KDM5B: variants seen among roughly 807,000 people sequenced by gnomAD.
KDM5B encodes the protein lysine-specific demethylase 5B.
A neutral mutation model predicts 193.4 loss-of-function variants in KDM5B; 144 were observed. The observed-to-expected ratio is 0.74, with a 90% confidence interval of 0.65 to 0.86. The LOEUF is 0.86. KDM5B is among the 40% of genes least tolerant of loss of function. The pLI, the probability that KDM5B is intolerant of heterozygous loss-of-function variation, is 0.00. For missense variants in KDM5B, 1,833 were observed against 1,886.9 expected (o/e 0.97, Z 0.53); for synonymous variants, 668 against 682.6 (o/e 0.98, Z 0.33).
Position 202,735,485 on chromosome 1 carries a change from C to G in KDM5B, c.3367G>C (p.Glu1123Gln), listed in dbSNP as rs201924559. The change falls in exon 22 of 27, where the codon GAG becomes CAG. Residue 1123 changes from glutamate (E) to glutamine (Q), a missense_variant. This residue lies in a region of KDM5B where 1,379 missense variants were observed against 1,349.6 expected (regional missense o/e 1.02). Coordinates refer to ENST00000367265, the MANE Select transcript of KDM5B (RefSeq NM_006618.5). ...GCTCTCTCCAGGTCACTCAGACTCT[C>G]TAATTTGGTGCTTTTTTTCTTTCCA... ...PNGKKKSTKL[E>Q]SLSDLERALT... is the part of the protein sequence containing the mutation. 101 of 1,614,034 alleles carry G rather than the reference C, an allele frequency of 6.3e-5. 1 individual carries two copies. Among genetic ancestry groups the G allele is most frequent in the Non-Finnish European group, 5.7e-5 (67 of 1,180,012 alleles).
At chr1:202,807,583 G>C (rs1037953417) in intron 1 of KDM5B, among the ~76,000 whole-genome samples, 5 of 151,904 alleles carry the variant, frequency 3.3e-5, no homozygotes, top group Admixed American at 3.3e-4. Flanking sequence ...CCACACAAAG[G>C]ACCAGGGGCT....
intron 1 of KDM5B, among the ~76,000 whole-genome samples, chr1:202,802,358 T>C (rs1658109664): frequency 6.6e-6 from 1 of 152,138 alleles, no homozygotes; most frequent in Non-Finnish European, 1.5e-5. Context: ...TTTAATCAAA[T>C]AGTTTACACT....
At position 202,808,174 on chromosome 1, in the gene KDM5B, G is replaced by T. The variant is rs138805422; in HGVS notation, c.132C>A (p.Asp44Glu). The T allele has an allele frequency of 3.1e-6, 5 of 1,613,118 alleles. No homozygotes were observed. Among genetic ancestry groups the T allele is most frequent in the Non-Finnish European group, 4.2e-6 (5 of 1,179,616 alleles). ...GGATCTTGTGGATGAAAGCGAAGGG[G>T]TCCGCGAACTCTTCCCAGCTGGGTT... ...VFEPSWEEFA[D>E]PFAFIHKIRP... The change falls in exon 1 of 27, where the codon GAC becomes GAA. Residue 44 changes from aspartate to glutamate, a missense_variant. Transcript: ENST00000367265.
At position 202,766,899 on chromosome 1, in the gene KDM5B, T is replaced by G. The variant is rs769382620; in HGVS notation, c.711+27A>C. 4 of 1,554,318 alleles carry G rather than the reference T, an allele frequency of 2.6e-6. No individual in the cohort carries two copies. The South Asian group carries it at 5.0e-5, about 19-fold the overall frequency. ...TTGGTATTAGGGCTTGAGAATTCCT[T>G]TTAAATTAACCTCATGAGGCTCTTA... On this transcript the variant is annotated intron_variant, in intron 5 of 26. Coordinates refer to ENST00000367265, the MANE Select transcript of KDM5B (RefSeq NM_006618.5).
chr1:202,808,398 A>T lies in KDM5B; in HGVS notation c.-93T>A, dbSNP rs898208030. 1.7e-6 allele frequency: 2 copies of T among 1,165,202 alleles called. No individual in the cohort carries two copies. Among genetic ancestry groups the T allele is most frequent in the Non-Finnish European group, 2.4e-6 (2 of 849,942 alleles). The allele number at this position is 1,165,202 out of a possible 1,614,324, so 72.2% of individuals were successfully genotyped here. On this transcript the variant is annotated 5_prime_UTR_variant, in exon 1 of 27. Transcript: ENST00000367265. ...CCGAGACCCGTGCAGACGCGGCTCG[A>T]GCAACAGCAAGTCCGAGTTGTACGG...
intron 1 of KDM5B, among the ~76,000 whole-genome samples, chr1:202,800,959 G>A (rs1292224435): frequency 1.3e-5 from 2 of 152,130 alleles, no homozygotes; most frequent in African/African-American, 4.8e-5. Flanking sequence ...TGGGCAAAAT[G>A]ACCATCACTG....
At position 202,725,110 on chromosome 1, in the gene KDM5B, C is replaced by T. The variant is rs899930001; in HGVS notation, c.*3926G>A. 1 of 152,218 alleles carries T rather than the reference C, an allele frequency of 6.6e-6. No individual in the cohort carries two copies. Among genetic ancestry groups the T allele is most frequent in the African/African-American group, 2.4e-5 (1 of 41,438 alleles). The allele number at this position is 152,218 out of a possible 1,614,324, so 9.4% of individuals were successfully genotyped here. On this transcript the variant is annotated 3_prime_UTR_variant, in exon 27 of 27. Coordinates refer to ENST00000367265, the MANE Select transcript of KDM5B (RefSeq NM_006618.5). ...ATAAGAAACACACCGAAACTCACCA[C>T]TTTCTAGCCCTTCATCCTTGCAAAA... is the stretch of plus-strand genomic sequence containing the variant.
intron 1 of KDM5B, among the ~76,000 whole-genome samples, chr1:202,805,704 CAGTT>C (rs1489983374): frequency 1.3e-5 from 2 of 152,166 alleles, no homozygotes; most frequent in African/African-American, 4.8e-5. Flanking sequence ...CACTTGTTCA[CAGTT>C]AGCTTTCCCA....
intron 7 of KDM5B, among the ~76,000 whole-genome samples, chr1:202,761,230 G>C (rs1185092581): frequency 1.3e-5 from 2 of 152,056 alleles, no homozygotes; most frequent in Non-Finnish European, 2.9e-5. Context: ...TTGAAGCCAG[G>C]AGTTTGAGAC....
At chr1:202,741,760 A>C (rs762888263) in intron 18 of KDM5B, 38 bp from the exon 19 acceptor site, 1 of 1,154,904 alleles carries the variant, frequency 8.7e-7, no homozygotes, top group African/African-American at 1.5e-5. Flanking sequence ...TTAAAACAGT[A>C]ATTTCAGTAA....
At chr1:202,793,025 A>C (rs1161888829) in intron 1 of KDM5B, among the ~76,000 whole-genome samples, 1 of 151,766 alleles carries the variant, frequency 6.6e-6, no homozygotes, top group East Asian at 1.9e-4. Flanking sequence ...AAAAGACTGT[A>C]AGGGGAGATG....
chr1:202,736,933 T>C (rs1249561756), intron 20 of KDM5B, among the ~76,000 whole-genome samples: 1 of 152,204 alleles, frequency 6.6e-6, no homozygotes, highest in Non-Finnish European at 1.5e-5. Context: ...GCCACTGTGC[T>C]GGGCCTAGAG....
intron 4 of KDM5B, among the ~76,000 whole-genome samples, chr1:202,768,717 C>CTTT (rs11450747): frequency 3.1e-5 from 4 of 130,410 alleles, no homozygotes; most frequent in Non-Finnish European, 4.8e-5. Context: ...GTTAACTATT[C>CTTT]TTTTTTTTTT....
At chr1:202,739,682 G>A (rs1472257860) in intron 20 of KDM5B, among the ~76,000 whole-genome samples, 1 of 152,082 alleles carries the variant, frequency 6.6e-6, no homozygotes, top group African/African-American at 2.4e-5. Context: ...GATTCTTAAT[G>A]AGCATGCTGC....
At chr1:202,786,772 C>T (rs1445509575) in intron 1 of KDM5B, among the ~76,000 whole-genome samples, 2 of 152,098 alleles carry the variant, frequency 1.3e-5, no homozygotes, top group Non-Finnish European at 2.9e-5. Context: ...ATTGGCCGGG[C>T]GTGGTGGCTC....
chr1:202,766,322 G>A (rs1332178516), intron 5 of KDM5B: 3 of 289,190 alleles, frequency 1.0e-5, no homozygotes, highest in Non-Finnish European at 2.0e-5. Flanking sequence ...TGGCTAACAC[G>A]GTGAAATCGG....
rs1168859490 is a variant in KDM5B at position 202,724,914 on chromosome 1, T to G, written c.*4122A>C. 1 of 152,266 alleles carries G rather than the reference T, an allele frequency of 6.6e-6. No individual in the cohort carries two copies. Among genetic ancestry groups the G allele is most frequent in the East Asian group, 1.9e-4 (1 of 5,204 alleles). The allele number at this position is 152,266 out of a possible 1,614,324, so 9.4% of individuals were successfully genotyped here. A position where few individuals can be genotyped will look rare whatever the true frequency, so the allele number is the denominator to read the frequency against. On this transcript the variant is annotated 3_prime_UTR_variant, in exon 27 of 27. Coordinates refer to ENST00000367265, the MANE Select transcript of KDM5B (RefSeq NM_006618.5). The stretch of plus-strand genomic sequence containing the variant: ...AGAGGGGTGCCTTTGGACATTTATT[T>G]TAAATAGAGAAAATAACTTTTGTTT...
chr1:202,796,106 C>T (rs762079981), intron 1 of KDM5B: 1 of 215,448 alleles, frequency 4.6e-6, no homozygotes, highest in Non-Finnish European at 9.4e-6. Flanking sequence ...GTGGTCACCT[C>T]CTTCCTCGTG....
rs1141109 is a variant in KDM5B at position 202,736,327 on chromosome 1, G to T, written c.3150C>A (p.Pro1050=). 5.5e-4 allele frequency: 887 copies of T among 1,611,878 alleles called. 2 individuals are homozygous for T. Among genetic ancestry groups the T allele is most frequent in the Non-Finnish European group, 7.1e-4 (836 of 1,178,972 alleles). The part of the protein sequence containing the change: ...IELVTRGRSI[P]VHLNSLPRLE... Reference sequence around the variant, plus strand: ...GTCTTGGCAAAGAATTCAGATGTACGGGGATAGATCGGCCTCGTGTAACAA... The same window carrying T: ...GTCTTGGCAAAGAATTCAGATGTACTGGGATAGATCGGCCTCGTGTAACAA... Residue 1050 remains proline, a synonymous_variant, in exon 21 of 27, where the codon CCC becomes CCA. Coordinates refer to ENST00000367265, the MANE Select transcript of KDM5B (RefSeq NM_006618.5).
Sources: gnomAD v4.1 joint callset for allele counts (sites outside exome capture counted in the v4.1 genomes callset) on GRCh38, gnomAD v4.1.1 for gene constraint, gnomAD v4.1.1 regional missense constraint, MANE v1.5 for transcripts, NCBI Gene and HGNC (gene_info 2026-07-23, HGNC 2026-07-21) for gene names.